The following LRRC37A2 variants were observed in gnomAD, a reference collection of about 807,000 sequenced individuals.
LRRC37A2 encodes the protein leucine rich repeat containing 37 member A2.
Under a neutral mutation model 68.8 loss-of-function variants are expected in LRRC37A2, and 9 were observed. That is an observed-to-expected ratio of 0.13 (90% CI 0.08 to 0.23). The LOEUF is 0.23. Ranked by LOEUF, LRRC37A2 falls within the 10% of genes least tolerant of loss-of-function variation. The pLI is 1.00. For missense variants in LRRC37A2, 168 were observed against 950.4 expected, an observed-to-expected ratio of 0.18 and a Z score of 10.82; for synonymous variants, 63 against 367.6, an observed-to-expected ratio of 0.17 and a Z score of 9.48.
chr17:46,900,896 C>T, the LRRC37A2 span, among the ~76,000 whole-genome samples: 1 of 152,140 alleles, frequency 6.6e-6, no homozygotes, highest in East Asian at 1.9e-4. Context: ...TCAAGACAGC[C>T]AGGATCTGGT....
chr17:46,837,152 A>G, the LRRC37A2 span, among the ~76,000 whole-genome samples: 1 of 152,180 alleles, frequency 6.6e-6, no homozygotes, highest in African/African-American at 2.4e-5. Flanking sequence ...CATGTTGGCC[A>G]GGCTGGTCTT....
the LRRC37A2 span, among the ~76,000 whole-genome samples, chr17:47,014,985 A>G: frequency 1.4e-5 from 2 of 147,948 alleles, no homozygotes; most frequent in Non-Finnish European, 3.0e-5. Context: ...AGCTATCCCT[A>G]TATAGGTATA....
At chr17:46,472,923 AAT>A in the LRRC37A2 span, among the ~76,000 whole-genome samples, 3 of 64,160 alleles carry the variant, frequency 4.7e-5, no homozygotes, top group African/African-American at 5.2e-5. Context: ...TCAAAAAAAA[AAT>A]ATATATATAT....
chr17:46,905,650 C>T, the LRRC37A2 span, among the ~76,000 whole-genome samples: 4 of 152,126 alleles, frequency 2.6e-5, no homozygotes, highest in South Asian at 4.1e-4. Flanking sequence ...CAAGGAGCAC[C>T]GACAGCTAAG....
the LRRC37A2 span, among the ~76,000 whole-genome samples, chr17:46,896,854 G>A: frequency 2.0e-5 from 3 of 152,134 alleles, no homozygotes; most frequent in African/African-American, 7.2e-5. Context: ...CACACAGCAT[G>A]GGCCTGGGAC....
chr17:46,751,679 T>C, the LRRC37A2 span: 1 of 925,780 alleles, frequency 1.1e-6, no homozygotes, highest in Non-Finnish European at 1.6e-6. Flanking sequence ...ACCAAGAGGG[T>C]TCAGTATTTC....
At chr17:46,951,684 G>A in the LRRC37A2 span, among the ~76,000 whole-genome samples, 1 of 152,176 alleles carries the variant, frequency 6.6e-6, no homozygotes, top group African/African-American at 2.4e-5. Context: ...CCAGGCCAGG[G>A]TAATGCTGAC....
At chr17:46,890,775 G>C in the LRRC37A2 span, among the ~76,000 whole-genome samples, 17 of 152,212 alleles carry the variant, frequency 1.1e-4, no homozygotes, top group Admixed American at 1.1e-3. Flanking sequence ...CAGGAGCCCT[G>C]GGCAAAGCTC....
At chr17:46,839,322 A>G in the LRRC37A2 span, among the ~76,000 whole-genome samples, 9 of 152,284 alleles carry the variant, frequency 5.9e-5, no homozygotes, top group Admixed American at 2.0e-4. Context: ...GCCACTGCCA[A>G]TGGGACCAGC....
chr17:46,866,861 G>A, the LRRC37A2 span, among the ~76,000 whole-genome samples: 1,259 of 152,262 alleles, frequency 8.3e-3, 16 homozygotes, highest in African/African-American at 0.028. Flanking sequence ...TAGGATGGGA[G>A]TAGGTGGAAG....
chr17:46,495,605 G>A, the LRRC37A2 span, among the ~76,000 whole-genome samples: 3 of 150,840 alleles, frequency 2.0e-5, no homozygotes, highest in Admixed American at 1.3e-4. Context: ...GGCTGGTCTC[G>A]AACTCCTGAC....
chr17:46,897,151 C>G, the LRRC37A2 span, among the ~76,000 whole-genome samples: 1 of 152,224 alleles, frequency 6.6e-6, no homozygotes, highest in Non-Finnish European at 1.5e-5. Context: ...CAGCACCAGG[C>G]AGACTCTGGC....
At chr17:46,824,588 C>T in the LRRC37A2 span, among the ~76,000 whole-genome samples, 1 of 152,240 alleles carries the variant, frequency 6.6e-6, no homozygotes. Flanking sequence ...TGCTCAGTTT[C>T]TTGCATATGT....
chr17:46,808,384 G>A, the LRRC37A2 span, among the ~76,000 whole-genome samples: 4 of 152,232 alleles, frequency 2.6e-5, no homozygotes, highest in Non-Finnish European at 5.9e-5. Flanking sequence ...TGAGTGGAAG[G>A]TCAAGTGTAA....
the LRRC37A2 span, among the ~76,000 whole-genome samples, chr17:46,779,102 CA>C: frequency 1.7e-3 from 241 of 138,806 alleles, 8 homozygotes; most frequent in African/African-American, 6.8e-3. Flanking sequence ...CACACACACA[CA>C]CCCCAGCCCA....
chr17:46,711,240 T>A, the LRRC37A2 span: 1 of 926,628 alleles, frequency 1.1e-6, no homozygotes, highest in Non-Finnish European at 1.5e-6. Flanking sequence ...GTTCTTGATC[T>A]GAAAATAGTA....
chr17:46,983,887 T>C, the LRRC37A2 span, among the ~76,000 whole-genome samples: 1 of 152,172 alleles, frequency 6.6e-6, no homozygotes, highest in East Asian at 1.9e-4. Flanking sequence ...GGCCATTGGC[T>C]TCCAAGGTGA....
chr17:46,858,900 C>G, the LRRC37A2 span, among the ~76,000 whole-genome samples: 1 of 151,474 alleles, frequency 6.6e-6, no homozygotes, highest in Non-Finnish European at 1.5e-5. Flanking sequence ...CTCCTGGGCT[C>G]AAGCAATTCT....
chr17:46,767,521 A>G, the LRRC37A2 span, among the ~76,000 whole-genome samples: 8 of 152,086 alleles, frequency 5.3e-5, no homozygotes, highest in Non-Finnish European at 1.2e-4. Flanking sequence ...TGAGGTATTT[A>G]AACTGCCCCC....
Sources: gnomAD v4.1 joint callset for allele counts (sites outside exome capture counted in the v4.1 genomes callset) on GRCh38, gnomAD v4.1.1 for gene constraint, MANE v1.5 for transcripts, NCBI Gene and HGNC (gene_info 2026-07-23, HGNC 2026-07-21) for gene names.